The following KCNC2 variants were observed in gnomAD, a reference collection of about 807,000 sequenced individuals.
The protein encoded by KCNC2 is potassium voltage-gated channel subfamily C member 2.
In KCNC2, 21 loss-of-function variants were observed where a neutral mutation model predicts 44.5. That is an observed-to-expected ratio of 0.47 (90% confidence interval 0.33 to 0.68). The LOEUF is 0.68. Among genes scored for constraint, KCNC2 ranks in the 30% least tolerant of loss-of-function variants. KCNC2 has a pLI of 0.01. For missense variants in KCNC2, 589 were observed against 826.2 expected, an observed-to-expected ratio of 0.71 and a Z score of 3.52; for synonymous variants, 391 against 339.1, an observed-to-expected ratio of 1.15 and a Z score of -1.68.
chr12:75,117,513 A>C (rs766866413), intron 2 of KCNC2, among the ~76,000 whole-genome samples: 70 of 152,184 alleles, frequency 4.6e-4, no homozygotes, highest in Non-Finnish European at 9.1e-4. Flanking sequence ...TCCACATCCC[A>C]GTCACTTCGC....
At chr12:75,136,692 C>T (rs1279167056) in intron 2 of KCNC2, among the ~76,000 whole-genome samples, 1 of 151,836 alleles carries the variant, frequency 6.6e-6, no homozygotes, top group African/African-American at 2.4e-5. Flanking sequence ...CTCCCAACAA[C>T]AATAACAAAA....
chr12:75,072,628 G>T (rs1883530694), intron 2 of KCNC2, among the ~76,000 whole-genome samples: 1 of 151,742 alleles, frequency 6.6e-6, no homozygotes, highest in Non-Finnish European at 1.5e-5. Context: ...AATCAAGTAA[G>T]TCCCATATAA....
At chr12:75,154,780 T>C (rs761910513) in intron 2 of KCNC2, among the ~76,000 whole-genome samples, 1 of 152,036 alleles carries the variant, frequency 6.6e-6, no homozygotes, top group Non-Finnish European at 1.5e-5. Context: ...TTATAAATCA[T>C]ATGGTACTGG....
chr12:75,077,304 A>C (rs1319894311), intron 2 of KCNC2, among the ~76,000 whole-genome samples: 6 of 152,010 alleles, frequency 3.9e-5, no homozygotes, highest in Non-Finnish European at 8.8e-5. Context: ...TATCTGGAAA[A>C]CCTCATTAAA....
intron 2 of KCNC2, among the ~76,000 whole-genome samples, chr12:75,067,190 A>G (rs1280212773): frequency 1.3e-5 from 2 of 152,106 alleles, no homozygotes; most frequent in African/African-American, 4.8e-5. Flanking sequence ...TGACAGAGGA[A>G]ACCCTGTCTC....
At chr12:75,123,867 T>G (rs1888212901) in intron 2 of KCNC2, 1 of 152,144 alleles carries the variant, frequency 6.6e-6, no homozygotes, top group Non-Finnish European at 1.5e-5. Context: ...CCAAAGGTTG[T>G]CAAAAGCCAA....
chr12:75,040,087 G>C lies in KCNC2; in HGVS notation c.*3018C>G, dbSNP rs1195671218. ...GAAAAGAGCCAAGACAATAATTTGA[G>C]TAATTTAATCAGATAACATTCAAGT... On this transcript the variant is annotated 3_prime_UTR_variant, in exon 5 of 5. Coordinates refer to ENST00000549446, the MANE Select transcript of KCNC2 (RefSeq NM_139137.4). 6.6e-6 allele frequency: 1 copy of C among 152,018 alleles called. No homozygotes were observed. Among genetic ancestry groups the C allele is most frequent in the Non-Finnish European group, 1.5e-5 (1 of 67,968 alleles). The allele number at this position is 152,018 out of a possible 1,614,324, so 9.4% of individuals were successfully genotyped here.
At chr12:75,107,073 G>C (rs568729375) in intron 2 of KCNC2, among the ~76,000 whole-genome samples, 62 of 152,238 alleles carry the variant, frequency 4.1e-4, no homozygotes, top group African/African-American at 1.4e-3. Flanking sequence ...GGGGGGCTGA[G>C]GGGGGCAGAT....
At chr12:75,108,443 T>G (rs772697529) in intron 2 of KCNC2, among the ~76,000 whole-genome samples, 5 of 152,188 alleles carry the variant, frequency 3.3e-5, no homozygotes, top group Non-Finnish European at 5.9e-5. Flanking sequence ...ATTGCCAGAT[T>G]AGGAGAAGAC....
intron 3 of KCNC2, among the ~76,000 whole-genome samples, chr12:75,049,637 G>T (rs902440648): frequency 1.3e-5 from 2 of 152,104 alleles, no homozygotes; most frequent in African/African-American, 4.8e-5. Flanking sequence ...CTGAGAGAGA[G>T]CAGAACCCAA....
At chr12:75,117,122 G>A (rs1887716693) in intron 2 of KCNC2, among the ~76,000 whole-genome samples, 1 of 151,976 alleles carries the variant, frequency 6.6e-6, no homozygotes, top group African/African-American at 2.4e-5. Context: ...AAGACAAAAA[G>A]AAAGAAATAA....
intron 2 of KCNC2, among the ~76,000 whole-genome samples, chr12:75,064,421 T>G (rs1194819064): frequency 1.3e-5 from 2 of 152,060 alleles, no homozygotes; most frequent in Non-Finnish European, 2.9e-5. Flanking sequence ...CTAATTTTTC[T>G]TTAAATAATT....
At chr12:75,079,416 T>C (rs1884282146) in intron 2 of KCNC2, among the ~76,000 whole-genome samples, 1 of 152,122 alleles carries the variant, frequency 6.6e-6, no homozygotes, top group Non-Finnish European at 1.5e-5. Context: ...CAATCTAAGA[T>C]CTTAAGACAT....
chr12:75,143,843 A>T (rs1294645036), intron 2 of KCNC2, among the ~76,000 whole-genome samples: 1 of 152,164 alleles, frequency 6.6e-6, no homozygotes, highest in Admixed American at 6.6e-5. Context: ...GAAAACTCTT[A>T]TTATGTATAA....
intron 2 of KCNC2, among the ~76,000 whole-genome samples, chr12:75,095,498 A>G: frequency 6.6e-6 from 1 of 151,758 alleles, no homozygotes; most frequent in South Asian, 2.1e-4. Flanking sequence ...ATTATTTCAC[A>G]TCTTGTTTTC....
At chr12:75,120,714 T>C (rs1441253000) in intron 2 of KCNC2, among the ~76,000 whole-genome samples, 1 of 152,202 alleles carries the variant, frequency 6.6e-6, no homozygotes, top group African/African-American at 2.4e-5. Flanking sequence ...GAAAGGCAGT[T>C]GCTGGACCTT....
At chr12:75,187,220 AGTGT>A (rs1893014461) in intron 2 of KCNC2, among the ~76,000 whole-genome samples, 1 of 152,180 alleles carries the variant, frequency 6.6e-6, no homozygotes, top group South Asian at 2.1e-4. Flanking sequence ...AAGTGGAGGT[AGTGT>A]GTGTGACTCA....
At chr12:75,155,783 G>A (rs1214253941) in intron 2 of KCNC2, among the ~76,000 whole-genome samples, 1 of 151,484 alleles carries the variant, frequency 6.6e-6, no homozygotes, top group African/African-American at 2.4e-5. Context: ...CTAATGACAA[G>A]GTTAAGGAAG....
At chr12:75,182,483 T>A (rs1326426337) in intron 2 of KCNC2, among the ~76,000 whole-genome samples, 1 of 138,164 alleles carries the variant, frequency 7.2e-6, no homozygotes, top group Non-Finnish European at 1.5e-5. Context: ...ATCGCGCCAC[T>A]GCACTCTAGC....
Sources: gnomAD v4.1 joint callset for allele counts (sites outside exome capture counted in the v4.1 genomes callset) on GRCh38, gnomAD v4.1.1 for gene constraint, MANE v1.5 for transcripts, NCBI Gene and HGNC (gene_info 2026-07-23, HGNC 2026-07-21) for gene names.